MMS22L: variants seen among roughly 807,000 people sequenced by gnomAD.
MMS22L encodes protein MMS22-like.
Under a neutral mutation model 159.1 loss-of-function variants are expected in MMS22L, and 74 were observed. The ratio of observed to expected loss-of-function variants is 0.47; its 90% CI spans 0.39 to 0.56. The LOEUF (loss-of-function observed/expected upper bound fraction) is 0.56. MMS22L is among the 20% of genes least tolerant of loss of function. The probability of loss-of-function intolerance (pLI) is 0.00; values close to 1 mark genes in which losing one functional copy is unlikely to be tolerated. For synonymous variants in MMS22L, 517 were observed against 506.9 expected, an observed-to-expected ratio of 1.02 and a Z score of -0.27; for missense variants, 1,351 against 1,422.1, an observed-to-expected ratio of 0.95 and a Z score of 0.80.
chr6:97,200,946 G>A (rs897273931), intron 14 of MMS22L, among the ~76,000 whole-genome samples: 1 of 152,084 alleles, frequency 6.6e-6, no homozygotes, highest in Non-Finnish European at 1.5e-5. Flanking sequence ...AGTACCCATT[G>A]TTTGTAACTG....
chr6:97,228,145 T>G (rs1000153795), intron 14 of MMS22L, among the ~76,000 whole-genome samples: 4 of 152,130 alleles, frequency 2.6e-5, no homozygotes, highest in Non-Finnish European at 4.4e-5. Flanking sequence ...TTACAAATGC[T>G]TCAGTAAAAG....
intron 24 of MMS22L, among the ~76,000 whole-genome samples, chr6:97,149,098 A>T (rs1801071308): frequency 6.6e-6 from 1 of 152,214 alleles, no homozygotes; most frequent in South Asian, 2.1e-4. Context: ...TGTGTGGTAT[A>T]GGCTATTCCA....
intron 14 of MMS22L, among the ~76,000 whole-genome samples, chr6:97,197,483 G>GC (rs1806652774): frequency 6.6e-6 from 1 of 152,098 alleles, no homozygotes. Context: ...GGGGTTAAAG[G>GC]CACTCAGAGG....
At chr6:97,204,261 G>A (rs1020051979) in intron 14 of MMS22L, among the ~76,000 whole-genome samples, 5 of 152,078 alleles carry the variant, frequency 3.3e-5, no homozygotes, top group Non-Finnish European at 7.4e-5. Flanking sequence ...CCCTTCAATA[G>A]AACTGACATC....
chr6:97,236,053 C>A (rs2128011025), intron 11 of MMS22L, among the ~76,000 whole-genome samples: 1 of 152,182 alleles, frequency 6.6e-6, no homozygotes, highest in African/African-American at 2.4e-5. Context: ...CCGGGCCAGG[C>A]ACGGTGGTTC....
At chr6:97,179,313 G>C (rs1562423904) in intron 17 of MMS22L, 95 bp downstream of exon 17, 1 of 1,063,546 alleles carries the variant, frequency 9.4e-7, no homozygotes, top group East Asian at 2.6e-5. Context: ...CGAATATTTT[G>C]TATATTTTCT....
rs144413167 is a variant in MMS22L, at chr6:97,240,688, G to A, written c.1182+5940C>T. Among the ~76,000 whole-genome samples the A allele has an allele frequency of 5.3e-5, 8 of 151,690 alleles. No homozygotes were observed. The East Asian group carries it at 5.8e-4, about 11-fold the overall frequency. ...GTCACCTAGGCTATAGTGCAATGGC[G>A]TGATCTTGGCTCACTGAAACCTCTG... On this transcript the variant is annotated intron_variant, in intron 11 of 24. Transcript: ENST00000683635.
intron 22 of MMS22L, among the ~76,000 whole-genome samples, chr6:97,158,656 C>A (rs180798575): frequency 6.6e-6 from 1 of 152,128 alleles, no homozygotes; most frequent in African/African-American, 2.4e-5. Flanking sequence ...TCCAACTGGA[C>A]TGCACTGTGG....
Position 97,195,478 on chromosome 6 carries a change from C to A in MMS22L, c.2040-8788G>T, listed in dbSNP as rs142548656. Among the ~76,000 whole-genome samples, 5 of 152,194 alleles carry A rather than the reference C, an allele frequency of 3.3e-5. No individual in the cohort carries two copies. The East Asian group carries it at 9.6e-4, about 29-fold the overall frequency. On this transcript the variant is annotated intron_variant, in intron 14 of 24. Coordinates refer to ENST00000683635, the MANE Select transcript of MMS22L (RefSeq NM_001350599.2). ...TGTTTGAAGAATGAAAAAAACGTAA[C>A]CACTTTGATTATAATAGAGAATTTT...
At chr6:97,241,453 CCAA>C (rs1465743134) in intron 11 of MMS22L, among the ~76,000 whole-genome samples, 6 of 152,176 alleles carry the variant, frequency 3.9e-5, no homozygotes. Flanking sequence ...CAAATCCACA[CCAA>C]CATCTATTTT....
rs1483898060 is a variant in MMS22L, at chr6:97,142,240, A to C, written c.*4566T>G. The stretch of plus-strand genomic sequence containing the variant: ...ACTCATAAATATGTATATAAAACTA[A>C]AATGTCCACAATTTTTCTAAAAGCA... On this transcript the variant is annotated 3_prime_UTR_variant, in exon 25 of 25. Transcript: ENST00000683635. 3.9e-5 allele frequency: 6 copies of C among 151,978 alleles called. No homozygotes were observed. The highest frequency in any genetic ancestry group is 8.8e-5 in the Non-Finnish European group (6 of 67,834). 9.4% of individuals were successfully genotyped at this position (151,978 alleles called of 1,614,324 possible). A position where few individuals can be genotyped will look rare whatever the true frequency, so the allele number is the denominator to read the frequency against.
rs536379694 is a variant in MMS22L at position 97,270,313 on chromosome 6, C to T, written c.607-321G>A. 1.7e-5 allele frequency: 8 copies of T among 480,092 alleles called. No homozygotes were observed. The East Asian group carries it at 1.8e-4, about 11-fold the overall frequency. The allele number at this position is 480,092 out of a possible 1,614,324, so 29.7% of individuals were successfully genotyped here. A position where few individuals can be genotyped will look rare whatever the true frequency, so the allele number is the denominator to read the frequency against. ...AAGGCAGTAAAAGAATTTTTTAACA[C>T]GTATTTTCATAATTTTGTTTTAGAA... On this transcript the variant is annotated intron_variant, in intron 6 of 24. Transcript: ENST00000683635.
chr6:97,163,409 C>T (rs1320377153), intron 21 of MMS22L, among the ~76,000 whole-genome samples: 1 of 151,740 alleles, frequency 6.6e-6, no homozygotes, highest in Non-Finnish European at 1.5e-5. Context: ...TGGAAGAAGT[C>T]ATAGAAGACA....
chr6:97,155,165 C>G (rs1801699202), intron 22 of MMS22L, among the ~76,000 whole-genome samples: 1 of 152,016 alleles, frequency 6.6e-6, no homozygotes, highest in Non-Finnish European at 1.5e-5. Flanking sequence ...ACTGGTCAAT[C>G]CTTTCACATG....
intron 21 of MMS22L, among the ~76,000 whole-genome samples, chr6:97,164,902 A>C (rs1207508588): frequency 1.3e-5 from 2 of 152,138 alleles, no homozygotes; most frequent in African/African-American, 4.8e-5. Flanking sequence ...TATAGGTGTG[A>C]GCCACCACAC....
At chr6:97,261,631 T>C (rs757609757) in intron 9 of MMS22L, 1 of 152,228 alleles carries the variant, frequency 6.6e-6, no homozygotes, top group Non-Finnish European at 1.5e-5. Flanking sequence ...AAAAGTTACA[T>C]GCAGTTTTCT....
intron 9 of MMS22L, chr6:97,258,931 C>A (rs1814126063): frequency 6.6e-6 from 1 of 152,168 alleles, no homozygotes; most frequent in African/African-American, 2.4e-5. Context: ...GTGCACCTTT[C>A]ATACAGATTG....
chr6:97,283,195 C>A lies in MMS22L; in HGVS notation c.-176G>T, dbSNP rs1339453251. ...CGCAAACAGGCGAAATTCCCGCCAC[C>A]GCGCGCCCGCGCTCCGGAAAGGCGG... On this transcript the variant is annotated 5_prime_UTR_variant, in exon 1 of 25. Coordinates refer to ENST00000683635, the MANE Select transcript of MMS22L (RefSeq NM_001350599.2). The A allele has an allele frequency of 6.6e-6, 1 of 152,300 alleles. No homozygotes were observed. Among genetic ancestry groups the A allele is most frequent in the African/African-American group, 2.4e-5 (1 of 41,476 alleles). 9.4% of individuals were successfully genotyped at this position (152,300 alleles called of 1,614,324 possible). A position where few individuals can be genotyped will look rare whatever the true frequency, so the allele number is the denominator to read the frequency against.
chr6:97,278,869 A>G lies in MMS22L; in HGVS notation c.320T>C (p.Leu107Ser). The part of the protein sequence containing the change: ...RQQLYNLETL[L>S]QSSCDFGKVS... ...CTTACCAAAATCACAACTGGACTGT[A>G]ACAAGGTTTCCAAGTTGTACAGTTG... The change falls in exon 4 of 25, where the codon TTA becomes TCA. Residue 107 changes from leucine to serine, a missense_variant. Leu to Ser is a moderately radical substitution (Grantham distance 145). Coordinates refer to ENST00000683635, the MANE Select transcript of MMS22L (RefSeq NM_001350599.2). The G allele has an allele frequency of 6.2e-7, 1 of 1,613,224 alleles. No individual in the cohort carries two copies. The highest frequency in any genetic ancestry group is 8.5e-7 in the Non-Finnish European group (1 of 1,179,672).
Sources: gnomAD v4.1 joint callset for allele counts (sites outside exome capture counted in the v4.1 genomes callset) on GRCh38, gnomAD v4.1.1 for gene constraint, MANE v1.5 for transcripts, NCBI Gene and HGNC (gene_info 2026-07-23, HGNC 2026-07-21) for gene names.